The following RBFOX1 variants were observed in gnomAD, a reference collection of about 807,000 sequenced individuals.
The protein encoded by RBFOX1 is RNA binding protein fox-1 homolog 1.
RBFOX1 carries 8 observed loss-of-function variants against 57.7 expected under a neutral mutation model. The ratio of observed to expected loss-of-function variants is 0.14; its 90% CI spans 0.08 to 0.25. RBFOX1 has a LOEUF of 0.25. RBFOX1 is among the 10% of genes least tolerant of loss of function. The probability of loss-of-function intolerance (pLI) is 1.00; values close to 1 mark genes in which losing one functional copy is unlikely to be tolerated. For missense variants in RBFOX1, 611 were observed against 548.5 expected (o/e 1.11, Z -1.14); for synonymous variants, 326 against 222.4 (o/e 1.47, Z -4.15).
At chr16:7,255,002 T>G (rs983971720) in intron 4 of RBFOX1, among the ~76,000 whole-genome samples, 2 of 152,168 alleles carry the variant, frequency 1.3e-5, no homozygotes, top group South Asian at 2.1e-4. Context: ...TTTTATTTGC[T>G]GTTGTGTCCT....
At chr16:7,064,228 G>A (rs2055356393) in intron 4 of RBFOX1, among the ~76,000 whole-genome samples, 1 of 148,182 alleles carries the variant, frequency 6.7e-6, no homozygotes, top group South Asian at 2.1e-4. Context: ...GAGTGCAGTG[G>A]CGTGATCTCT....
At chr16:7,386,194 G>C (rs549943675) in intron 4 of RBFOX1, among the ~76,000 whole-genome samples, 173 of 152,174 alleles carry the variant, frequency 1.1e-3, no homozygotes, top group African/African-American at 3.9e-3. Context: ...GCGGGTATCT[G>C]CATCCCCCAA....
chr16:6,415,306 C>T (rs574226936), intron 2 of RBFOX1, among the ~76,000 whole-genome samples: 1 of 148,568 alleles, frequency 6.7e-6, no homozygotes, highest in South Asian at 2.1e-4. Flanking sequence ...TAACAGGGTA[C>T]TAGTGTTACC....
At chr16:5,403,349 C>CAAAAAAAAAAAAAAAAAAAAAAA (rs767830099) in intron 1 of RBFOX1, among the ~76,000 whole-genome samples, 2 of 82,266 alleles carry the variant, frequency 2.4e-5, no homozygotes, top group Admixed American at 1.4e-4. Context: ...AACGCTGTCT[C>CAAAAAAAAAAAAAAAAAAAAAAA]AAAAAAAAAA....
intron 4 of RBFOX1, among the ~76,000 whole-genome samples, chr16:7,143,869 G>A (rs371325535): frequency 6.6e-6 from 1 of 152,090 alleles, no homozygotes; most frequent in Admixed American, 6.5e-5. Flanking sequence ...GATCCTAGAA[G>A]GTAAGAGCTA....
At chr16:5,454,872 T>A (rs1293322610) in intron 1 of RBFOX1, among the ~76,000 whole-genome samples, 2 of 99,368 alleles carry the variant, frequency 2.0e-5, no homozygotes, top group Non-Finnish European at 4.5e-5. Context: ...CTTTCTTTCT[T>A]TCTTTCTTTC....
chr16:6,532,024 T>G (rs574130611), intron 2 of RBFOX1, among the ~76,000 whole-genome samples: 1 of 152,198 alleles, frequency 6.6e-6, no homozygotes, highest in East Asian at 1.9e-4. Context: ...GTCTCCTCCA[T>G]GGGAAGAAAT....
intron 4 of RBFOX1, among the ~76,000 whole-genome samples, chr16:7,099,386 C>G (rs936679147): frequency 3.9e-5 from 6 of 152,096 alleles, no homozygotes; most frequent in Non-Finnish European, 5.9e-5. Flanking sequence ...TTTAACCCCT[C>G]TTTAAAATGG....
intron 2 of RBFOX1, among the ~76,000 whole-genome samples, chr16:6,550,231 G>A (rs1224170794): frequency 1.3e-5 from 2 of 152,116 alleles, no homozygotes; most frequent in Admixed American, 6.5e-5. Flanking sequence ...AGACTGGAGT[G>A]TAGTGGCGTG....
intron 3 of RBFOX1, among the ~76,000 whole-genome samples, chr16:5,807,839 C>G (rs545720723): frequency 8.5e-5 from 13 of 152,316 alleles, no homozygotes; most frequent in South Asian, 2.1e-4. Context: ...AGGTGATGCC[C>G]ACGCTGCTGG....
chr16:6,813,582 G>T lies in RBFOX1; in HGVS notation c.-16+158932G>T, dbSNP rs186522833. On this transcript the variant is annotated intron_variant, in intron 3 of 15. Transcript: ENST00000550418. ...TCACTAAGTGTCTCTTTCATCTTCTGCATCCAAACCTCTCTCTCCACAGGT... is the reference window on the plus strand; with the variant it reads ...TCACTAAGTGTCTCTTTCATCTTCTTCATCCAAACCTCTCTCTCCACAGGT... 5.9e-5 allele frequency among the ~76,000 whole-genome samples: 9 copies of T among 152,228 alleles called. 1 individual carries two copies. The highest frequency in any genetic ancestry group is 3.4e-3 in the Middle Eastern group (1 of 294).
At chr16:7,030,299 A>C (rs189626596) in intron 3 of RBFOX1, among the ~76,000 whole-genome samples, 27 of 152,316 alleles carry the variant, frequency 1.8e-4, no homozygotes, top group African/African-American at 5.1e-4. Context: ...CCCATTTTAC[A>C]GATGAGGAAA....
intron 3 of RBFOX1, among the ~76,000 whole-genome samples, chr16:6,729,259 T>A (rs1568378943): frequency 6.6e-6 from 1 of 152,170 alleles, no homozygotes; most frequent in Non-Finnish European, 1.5e-5. Context: ...CTGATTTAAT[T>A]TACTTGAGAT....
chr16:6,748,785 G>A (rs1269828939), intron 3 of RBFOX1: 1 of 152,134 alleles, frequency 6.6e-6, no homozygotes, highest in Non-Finnish European at 1.5e-5. Context: ...CAGAGGTTAT[G>A]ATTAATTATC....
intron 4 of RBFOX1, among the ~76,000 whole-genome samples, chr16:7,322,135 C>T (rs1336245457): frequency 1.3e-5 from 2 of 152,186 alleles, no homozygotes; most frequent in East Asian, 1.9e-4. Flanking sequence ...TATTTTTTCC[C>T]CTGGTCTGAA....
chr16:5,720,317 T>A (rs1287973022), intron 3 of RBFOX1, among the ~76,000 whole-genome samples: 1 of 152,194 alleles, frequency 6.6e-6, no homozygotes, highest in Non-Finnish European at 1.5e-5. Context: ...ATGTTGTGGA[T>A]CCTAGTCCTT....
intron 3 of RBFOX1, among the ~76,000 whole-genome samples, chr16:5,773,650 G>C (rs1049080782): frequency 6.6e-6 from 1 of 152,202 alleles, no homozygotes; most frequent in Non-Finnish European, 1.5e-5. Context: ...ACGTGCATGG[G>C]ATTATTTCTG....
chr16:6,153,361 T>G (rs2096813844), intron 1 of RBFOX1, among the ~76,000 whole-genome samples: 1 of 152,224 alleles, frequency 6.6e-6, no homozygotes, highest in Admixed American at 6.5e-5. Flanking sequence ...AAATATAAAA[T>G]ATTGTTCCTT....
chr16:6,209,837 G>C (rs561530248), intron 1 of RBFOX1, among the ~76,000 whole-genome samples: 1 of 152,216 alleles, frequency 6.6e-6, no homozygotes, highest in Non-Finnish European at 1.5e-5. Flanking sequence ...AGAGGGAATC[G>C]ATAGAAACAT....
Sources: gnomAD v4.1 joint callset for allele counts (sites outside exome capture counted in the v4.1 genomes callset) on GRCh38, gnomAD v4.1.1 for gene constraint, MANE v1.5 for transcripts, NCBI Gene and HGNC (gene_info 2026-07-23, HGNC 2026-07-21) for gene names.